Variants in PHF20L1 observed in about 807,000 individuals in gnomAD.
PHF20L1 encodes the protein PHD finger protein 20-like protein 1.
Under a neutral mutation model 125.5 loss-of-function variants are expected in PHF20L1, and 44 were observed. The observed-to-expected ratio is 0.35, with a 90% CI of 0.28 to 0.45. The LOEUF (loss-of-function observed/expected upper bound fraction) is 0.45. Ranked by LOEUF, PHF20L1 falls within the 20% of genes least tolerant of loss-of-function variation. The probability of loss-of-function intolerance (pLI) is 1.00; values close to 1 mark genes in which losing one functional copy is unlikely to be tolerated. For synonymous variants in PHF20L1, 380 were observed against 403.1 expected (o/e 0.94, Z 0.69); for missense variants, 1,012 against 1,217.2 (o/e 0.83, Z 2.51).
chr8:132,817,148 T>C, intron 11 of PHF20L1, 72 bp downstream of exon 11: 1 of 997,558 alleles, frequency 1.0e-6, no homozygotes, highest in South Asian at 1.8e-5. Flanking sequence ...ATAAAGATTA[T>C]TAAAATATTA....
intron 19 of PHF20L1, chr8:132,843,908 T>G: frequency 1.0e-6 from 1 of 985,298 alleles, no homozygotes; most frequent in South Asian, 4.7e-5. Flanking sequence ...TTTAGCGCAT[T>G]TTATTGAAGC....
intron 2 of PHF20L1, among the ~76,000 whole-genome samples, chr8:132,781,244 G>A (rs1830389064): frequency 6.6e-6 from 1 of 152,090 alleles, no homozygotes; most frequent in African/African-American, 2.4e-5. Context: ...TTTTAGCTTT[G>A]GGGTAGATTT....
chr8:132,848,273 C>G lies in PHF20L1; in HGVS notation c.*2350C>G, dbSNP rs1049632989. On this transcript the variant is annotated 3_prime_UTR_variant, in exon 21 of 21. Coordinates refer to ENST00000395386, the MANE Select transcript of PHF20L1 (RefSeq NM_016018.5). ...GAAATCTGAATTTTTAAATTTAGAT[C>G]TTTAAATCAAATTATTTTTATGCAT... The G allele has an allele frequency of 6.6e-6, 1 of 152,382 alleles. No homozygotes were observed. The highest frequency in any genetic ancestry group is 2.4e-5 in the African/African-American group (1 of 41,440). 9.4% of individuals were successfully genotyped at this position (152,382 alleles called of 1,614,324 possible).
chr8:132,819,263 T>C (rs1835320772), intron 12 of PHF20L1, among the ~76,000 whole-genome samples: 1 of 151,900 alleles, frequency 6.6e-6, no homozygotes, highest in Non-Finnish European at 1.5e-5. Context: ...TTTGAATTTG[T>C]GGAAGAGTAA....
At chr8:132,817,268 T>C in intron 11 of PHF20L1, 71 bp from the exon 12 acceptor site, 1 of 1,289,660 alleles carries the variant, frequency 7.8e-7, no homozygotes, top group Non-Finnish European at 1.1e-6. Context: ...TGTAACACTT[T>C]AATTCACAGT....
At chr8:132,827,427 G>A (rs1836302532) in intron 14 of PHF20L1, among the ~76,000 whole-genome samples, 1 of 152,050 alleles carries the variant, frequency 6.6e-6, no homozygotes, top group African/African-American at 2.4e-5. Context: ...GTCAGTGCAG[G>A]AATGGCCAGC....
chr8:132,785,483 CAGT>C (rs1402717322), intron 2 of PHF20L1, among the ~76,000 whole-genome samples: 1 of 152,114 alleles, frequency 6.6e-6, no homozygotes, highest in Non-Finnish European at 1.5e-5. Flanking sequence ...TTTTGAATAT[CAGT>C]AGTACAATTT....
intron 2 of PHF20L1, among the ~76,000 whole-genome samples, chr8:132,783,801 A>G (rs2131343011): frequency 6.6e-6 from 1 of 152,338 alleles, no homozygotes; most frequent in Non-Finnish European, 1.5e-5. Flanking sequence ...TTGTATGTAT[A>G]CATCAAAATA....
chr8:132,815,101 A>T (rs1586968275), intron 10 of PHF20L1: 2 of 406,426 alleles, frequency 4.9e-6, no homozygotes. Context: ...AATCCTTTCC[A>T]TTTAATAACA....
chr8:132,842,745 G>A lies in PHF20L1; in HGVS notation c.2618G>A (p.Cys873Tyr), dbSNP rs761146683. ...YQKPQSFGQD[C>Y]KSLADPGSSD... ...AAGCCACAAAGTTTTGGTCAGGACTGTAAATCTCTCGCAGACCCTGGGAGC... is the reference window on the plus strand; with the variant it reads ...AAGCCACAAAGTTTTGGTCAGGACTATAAATCTCTCGCAGACCCTGGGAGC... The change falls in exon 19 of 21, where the codon TGT becomes TAT. Residue 873 changes from cysteine to tyrosine, a missense_variant. This residue lies in a region of PHF20L1 where 277 missense variants were observed against 283.6 expected (regional missense o/e 0.98). Coordinates refer to ENST00000395386, the MANE Select transcript of PHF20L1 (RefSeq NM_016018.5). 2.5e-6 allele frequency: 4 copies of A among 1,613,402 alleles called. No homozygotes were observed. The highest frequency in any genetic ancestry group is 3.4e-6 in the Non-Finnish European group (4 of 1,179,600).
At chr8:132,840,051 A>G (rs903998362) in intron 18 of PHF20L1, among the ~76,000 whole-genome samples, 27 of 152,142 alleles carry the variant, frequency 1.8e-4, no homozygotes, top group Non-Finnish European at 2.9e-5. Flanking sequence ...TAGTCATCCC[A>G]TACAATTTTC....
intron 4 of PHF20L1, among the ~76,000 whole-genome samples, chr8:132,796,379 T>A (rs1315399275): frequency 6.6e-6 from 1 of 151,514 alleles, no homozygotes; most frequent in Non-Finnish European, 1.5e-5. Flanking sequence ...CATGGAAGAG[T>A]TTTTAGGCTG....
intron 15 of PHF20L1, among the ~76,000 whole-genome samples, chr8:132,836,157 C>T (rs1837333727): frequency 6.6e-6 from 1 of 152,080 alleles, no homozygotes; most frequent in South Asian, 2.1e-4. Flanking sequence ...TGGTGTCACA[C>T]TGATACTATG....
intron 2 of PHF20L1, among the ~76,000 whole-genome samples, chr8:132,786,818 A>G (rs181222440): frequency 5.9e-5 from 9 of 152,298 alleles, no homozygotes; most frequent in Admixed American, 4.6e-4. Flanking sequence ...TGGTAGGCAC[A>G]TAAACATTAG....
intron 1 of PHF20L1, among the ~76,000 whole-genome samples, chr8:132,776,819 TCTCTC>T (rs1439844309): frequency 6.6e-6 from 1 of 152,230 alleles, no homozygotes; most frequent in East Asian, 1.9e-4. Flanking sequence ...ATTTTACGGA[TCTCTC>T]CTCGCCCCTG....
chr8:132,803,511 A>C (rs1383119391), intron 6 of PHF20L1: 4 of 284,216 alleles, frequency 1.4e-5, no homozygotes, highest in Middle Eastern at 2.2e-3. Context: ...AATGTCATGT[A>C]GTATTCCATA....
chr8:132,790,267 C>T (rs951025803), intron 2 of PHF20L1, among the ~76,000 whole-genome samples: 6 of 152,118 alleles, frequency 3.9e-5, no homozygotes, highest in African/African-American at 9.7e-5. Flanking sequence ...TGTTCAGCAG[C>T]GTTTTTTCTT....
rs1454755352 is a variant in PHF20L1, at chr8:132,811,034, A to C, written c.848-12A>C. Reference sequence around the variant, plus strand: ...TTTTCTAATAAGCAATTTCTGTACAATTTTTCTCAAGGTTTGTTGGCATCC... The same window carrying C: ...TTTTCTAATAAGCAATTTCTGTACACTTTTTCTCAAGGTTTGTTGGCATCC... On this transcript the variant is annotated splice_polypyrimidine_tract_variant and intron_variant, in intron 8 of 20. Coordinates refer to ENST00000395386, the MANE Select transcript of PHF20L1 (RefSeq NM_016018.5). 1.9e-6 allele frequency: 3 copies of C among 1,555,034 alleles called. No individual in the cohort carries two copies. The South Asian group carries it at 3.3e-5, about 17-fold the overall frequency.
chr8:132,799,553 G>A (rs1832799413), intron 6 of PHF20L1: 1 of 155,700 alleles, frequency 6.4e-6, no homozygotes, highest in South Asian at 2.0e-4. Context: ...TTTCTATTCT[G>A]CTGTTATTTG....
Sources: allele counts gnomAD v4.1 joint callset (sites outside exome capture counted in the v4.1 genomes callset), GRCh38; gene constraint gnomAD v4.1.1; regional missense constraint gnomAD v4.1.1; transcripts MANE v1.5; gene names NCBI Gene and HGNC (gene_info 2026-07-23, HGNC 2026-07-21).